Variants in GRB10 observed in about 807,000 individuals in gnomAD.
GRB10 encodes the protein growth factor receptor bound protein 10.
GRB10 carries 20 observed loss-of-function variants against 80.9 expected under a neutral mutation model. That is an observed-to-expected ratio of 0.25 (90% CI 0.17 to 0.36). The LOEUF is 0.36. Among genes scored for constraint, GRB10 ranks in the 10% least tolerant of loss-of-function variants. The pLI is 1.00. For missense variants in GRB10, 548 were observed against 747.7 expected (o/e 0.73, Z 3.12); for synonymous variants, 291 against 291.5 (o/e 1.00, Z 0.02).
intron 5 of GRB10, among the ~76,000 whole-genome samples, chr7:50,685,365 T>C (rs2061997421): frequency 6.6e-6 from 1 of 152,160 alleles, no homozygotes; most frequent in African/African-American, 2.4e-5. Flanking sequence ...GGAAAAATAA[T>C]TCCCTCCACA....
chr7:50,772,273 G>A (rs1242157392), intron 2 of GRB10, among the ~76,000 whole-genome samples: 2 of 152,104 alleles, frequency 1.3e-5, no homozygotes, highest in African/African-American at 2.4e-5. Context: ...GTGAACTGAC[G>A]CCACACTATA....
At chr7:50,748,214 C>G (rs954600118) in intron 3 of GRB10, among the ~76,000 whole-genome samples, 1 of 152,170 alleles carries the variant, frequency 6.6e-6, no homozygotes, top group Non-Finnish European at 1.5e-5. Context: ...ATTAAGGAAG[C>G]CCTAGGTAGG....
intron 2 of GRB10, chr7:50,779,350 T>G (rs1040196568): frequency 6.6e-6 from 1 of 152,212 alleles, no homozygotes; most frequent in Non-Finnish European, 1.5e-5. Context: ...GAGATTCCCA[T>G]GCATATTAAA....
Position 50,592,947 on chromosome 7 carries a change from T to G in GRB10, c.*5A>C. ...TCCAGTCTTCAGCCGAGAGGACATC[T>G]GCGGTCATAAGGCCACTCGGATGCA... is the stretch of plus-strand genomic sequence containing the variant. On this transcript the variant is annotated 3_prime_UTR_variant, in exon 19 of 19. Coordinates refer to ENST00000401949, the MANE Select transcript of GRB10 (RefSeq NM_001350814.2). 6.2e-7 allele frequency: 1 copy of G among 1,614,180 alleles called. No homozygotes were observed.
intron 7 of GRB10, among the ~76,000 whole-genome samples, chr7:50,632,430 C>T (rs1446434840): frequency 6.6e-6 from 1 of 152,168 alleles, no homozygotes; most frequent in African/African-American, 2.4e-5. Context: ...GCACACTGCC[C>T]AGGGCTATGG....
At chr7:50,755,116 C>A (rs562700121) in intron 3 of GRB10, among the ~76,000 whole-genome samples, 118 of 152,328 alleles carry the variant, frequency 7.7e-4, no homozygotes, top group Non-Finnish European at 8.8e-5. Flanking sequence ...AGCCAGTCTG[C>A]GGGATACTGC....
At chr7:50,673,058 G>A (rs1253534031) in intron 6 of GRB10, among the ~76,000 whole-genome samples, 1 of 152,218 alleles carries the variant, frequency 6.6e-6, no homozygotes, top group African/African-American at 2.4e-5. Flanking sequence ...GCCACCTGGG[G>A]CAAGGTGATT....
At chr7:50,627,463 G>A (rs2053140538) in intron 7 of GRB10, among the ~76,000 whole-genome samples, 3 of 152,212 alleles carry the variant, frequency 2.0e-5, no homozygotes, top group African/African-American at 7.2e-5. Context: ...GGCACCTACA[G>A]CCTTTCCCGC....
chr7:50,785,663 T>C (rs1264568288), upstream of GRB10, among the ~76,000 whole-genome samples: 1 of 152,254 alleles, frequency 6.6e-6, no homozygotes, highest in African/African-American at 2.4e-5. Flanking sequence ...CGCCTCACCC[T>C]GCACCCAGGT....
At chr7:50,763,468 C>A (rs1253016723) in intron 2 of GRB10, among the ~76,000 whole-genome samples, 1 of 152,178 alleles carries the variant, frequency 6.6e-6, no homozygotes, top group East Asian at 1.9e-4. Context: ...GGGGCAGCAG[C>A]TTTCAGACTT....
chr7:50,746,070 T>C (rs1166408882), intron 3 of GRB10, among the ~76,000 whole-genome samples: 2 of 152,328 alleles, frequency 1.3e-5, no homozygotes, highest in East Asian at 3.9e-4. Flanking sequence ...GATGTGGCAG[T>C]GTGAAACCAT....
chr7:50,748,511 T>C (rs536803992), intron 3 of GRB10, among the ~76,000 whole-genome samples: 12 of 152,132 alleles, frequency 7.9e-5, no homozygotes, highest in Non-Finnish European at 1.8e-4. Context: ...GCTGGGAGAA[T>C]GCGGAGAAAA....
intron 13 of GRB10, among the ~76,000 whole-genome samples, chr7:50,609,543 G>A (rs1398886701): frequency 6.6e-6 from 1 of 152,196 alleles, no homozygotes; most frequent in African/African-American, 2.4e-5. Flanking sequence ...AGACAGAAAA[G>A]ATTAAATGGT....
intron 7 of GRB10, among the ~76,000 whole-genome samples, chr7:50,635,733 TCA>T (rs1216226170): frequency 6.6e-6 from 1 of 151,876 alleles, no homozygotes; most frequent in Non-Finnish European, 1.5e-5. Context: ...CAAAAGATCA[TCA>T]CAGATTATTA....
At chr7:50,687,161 CTT>C (rs2062198281) in intron 5 of GRB10, among the ~76,000 whole-genome samples, 1 of 152,174 alleles carries the variant, frequency 6.6e-6, no homozygotes. Context: ...TATCTCCAAA[CTT>C]TTAGTTTCTT....
At chr7:50,713,721 C>T (rs897061671) in intron 4 of GRB10, among the ~76,000 whole-genome samples, 5 of 144,880 alleles carry the variant, frequency 3.5e-5, no homozygotes, top group Non-Finnish European at 7.6e-5. Context: ...TCACCTCCAC[C>T]TCCTCTACTA....
At chr7:50,764,127 T>C (rs2076075952) in intron 2 of GRB10, among the ~76,000 whole-genome samples, 1 of 150,890 alleles carries the variant, frequency 6.6e-6, no homozygotes, top group African/African-American at 2.5e-5. Flanking sequence ...CAAACACCTG[T>C]GGCCCCAGCT....
chr7:50,723,388 G>T (rs537515298), intron 4 of GRB10, among the ~76,000 whole-genome samples: 1 of 152,288 alleles, frequency 6.6e-6, no homozygotes, highest in South Asian at 2.1e-4. Context: ...CAACCACAAA[G>T]AAACTGCCAA....
At chr7:50,668,480 CCAT>C (rs1430527197) in intron 7 of GRB10, among the ~76,000 whole-genome samples, 1 of 152,232 alleles carries the variant, frequency 6.6e-6, no homozygotes, top group Non-Finnish European at 1.5e-5. Context: ...CTCAGCCGCA[CCAT>C]CAGGTCTCAG....
Sources: allele counts gnomAD v4.1 joint callset (sites outside exome capture counted in the v4.1 genomes callset), GRCh38; gene constraint gnomAD v4.1.1; transcripts MANE v1.5; gene names NCBI Gene and HGNC (gene_info 2026-07-23, HGNC 2026-07-21).